RLBP1: variants seen among roughly 807,000 people sequenced by gnomAD.
The protein encoded by RLBP1 is retinaldehyde binding protein 1.
Under a neutral mutation model 36.2 loss-of-function variants are expected in RLBP1, and 26 were observed. The observed-to-expected ratio is 0.72, with a 90% CI of 0.53 to 1.00. RLBP1 has a LOEUF of 1.00. RLBP1 is among the 50% of genes least tolerant of loss of function. The pLI is 0.00. For missense variants in RLBP1, 410 were observed against 402.4 expected, an observed-to-expected ratio of 1.02 and a Z score of -0.16; for synonymous variants, 155 against 156.2, an observed-to-expected ratio of 0.99 and a Z score of 0.06.
In RLBP1 at chr15:89,217,676, C is replaced by T. The variant is rs571278233; in HGVS notation, c.142-352G>A. ...ATGGTAGGTGTTCTTATCCCCAGCT[C>T]TCAGATGAGCAGACTGAGGCTCATA... On this transcript the variant is annotated intron_variant, in intron 4 of 8. Coordinates refer to ENST00000268125, the MANE Select transcript of RLBP1 (RefSeq NM_000326.5). Among the ~76,000 whole-genome samples, 22 of 152,340 alleles carry T rather than the reference C, an allele frequency of 1.4e-4. No individual in the cohort carries two copies. In the East Asian group the frequency reaches 4.2e-3, roughly 29 times the overall value.
At chr15:89,215,320 G>A in intron 5 of RLBP1, 82 bp from the exon 6 acceptor site, 1 of 1,440,240 alleles carries the variant, frequency 6.9e-7, no homozygotes, top group East Asian at 2.3e-5. Flanking sequence ...TCAGAGACCT[G>A]ACCTCCTGCC....
chr15:89,220,932 A>G lies in RLBP1; in HGVS notation c.-224+603T>C, dbSNP rs1407857217. ...CACAATGAAAAAATGCCTATCCCTC[A>G]CACCATGCTGATGCTGTTCCCTGCC... On this transcript the variant is annotated intron_variant, in intron 1 of 8. Transcript: ENST00000268125. 2.0e-5 allele frequency among the ~76,000 whole-genome samples: 3 copies of G among 151,792 alleles called. No individual in the cohort carries two copies. The South Asian group carries it at 6.2e-4, about 32-fold the overall frequency.
Position 89,218,806 on chromosome 15 carries a change from C to A in RLBP1, c.13-113G>T. The A allele has an allele frequency of 6.4e-7, 1 of 1,568,882 alleles. No homozygotes were observed. The highest frequency in any genetic ancestry group is 8.7e-7 in the Non-Finnish European group (1 of 1,149,032). On this transcript the variant is annotated intron_variant, in intron 3 of 8. Transcript: ENST00000268125. The surrounding 1 kb of genome is among the most constrained non-coding windows in gnomAD (Gnocchi z 4.6). ...TTGCCCAAGGTCATTGTTAAGCCTC[C>A]TCCTTTTGTGGGGTCAGGACCCACA...
At chr15:89,220,902 C>G (rs866592319) in intron 1 of RLBP1, among the ~76,000 whole-genome samples, 15 of 152,176 alleles carry the variant, frequency 9.9e-5, no homozygotes, top group Middle Eastern at 3.5e-3. Context: ...GATTTACAAG[C>G]TGTACACAAT....
chr15:89,218,439 G>C lies in RLBP1; in HGVS notation c.141+126C>G. 1 of 1,415,528 alleles carries C rather than the reference G, an allele frequency of 7.1e-7. No individual in the cohort carries two copies. The highest frequency in any genetic ancestry group is 1.7e-5 in the Admixed American group (1 of 58,748). The allele number at this position is 1,415,528 out of a possible 1,614,324, so 87.7% of individuals were successfully genotyped here. The stretch of plus-strand genomic sequence containing the variant: ...CCAGGAAGGACCTTAGAACCGGCCA[G>C]TCTATCAGGTCCAGGATGATCTGGA... On this transcript the variant is annotated intron_variant, in intron 4 of 8. Transcript: ENST00000268125. The surrounding 1 kb of genome is among the most constrained non-coding windows in gnomAD (Gnocchi z 4.6).
Position 89,214,456 on chromosome 15 carries a change from C to A in RLBP1, c.525+604G>T, listed in dbSNP as rs889063247. Among the ~76,000 whole-genome samples, 5 of 151,890 alleles carry A rather than the reference C, an allele frequency of 3.3e-5. No homozygotes were observed. Among genetic ancestry groups the A allele is most frequent in the African/African-American group, 1.2e-4 (5 of 41,356 alleles). ...AGCCTGGGTGACCAGAGCGAGACTC[C>A]ATCTCAAAAATAAATAAATAAAATA... On this transcript the variant is annotated intron_variant, in intron 6 of 8. Coordinates refer to ENST00000268125, the MANE Select transcript of RLBP1 (RefSeq NM_000326.5). This position sits in a 1 kb window ranked among gnomAD's most constrained non-coding sequence, Gnocchi z 4.6.
At chr15:89,215,702 C>T (rs1349299545) in intron 5 of RLBP1, among the ~76,000 whole-genome samples, 1 of 152,148 alleles carries the variant, frequency 6.6e-6, no homozygotes, top group African/African-American at 2.4e-5. Context: ...CCAGCAGCAC[C>T]TCTACGGTCC....
At chr15:89,217,379 G>T in intron 4 of RLBP1, 55 bp from the exon 5 acceptor site, 1 of 1,551,058 alleles carries the variant, frequency 6.4e-7, no homozygotes. Flanking sequence ...TGAGGGGCAG[G>T]ACACACAGGT....
intron 5 of RLBP1, among the ~76,000 whole-genome samples, 179 bp from the exon 6 acceptor site, chr15:89,215,417 T>C (rs890012116): frequency 1.3e-5 from 2 of 152,192 alleles, no homozygotes; most frequent in Admixed American, 6.5e-5. Context: ...TATTGACCTA[T>C]CTATTCTAGA....
Position 89,210,692 on chromosome 15 carries a change from T to C in RLBP1, c.795+7A>G, listed in dbSNP as rs1357943846. ...TGTCTCATTGTCTGGGCGGCCCACG[T>C]ACTCACCCTCTCAAGCAGCTTGCTC... On this transcript the variant is annotated splice_region_variant and intron_variant, in intron 8 of 8. Transcript: ENST00000268125. This position sits in a 1 kb window ranked among gnomAD's most constrained non-coding sequence, Gnocchi z 4.7. The C allele has an allele frequency of 1.3e-6, 2 of 1,578,820 alleles. No individual in the cohort carries two copies. The highest frequency in any genetic ancestry group is 1.8e-5 in the Admixed American group (1 of 56,440).
chr15:89,211,893 C>T lies in RLBP1; in HGVS notation c.534G>A (p.Gln178=). The T allele has an allele frequency of 1.9e-6, 3 of 1,614,184 alleles. No individual in the cohort carries two copies. Among genetic ancestry groups the T allele is most frequent in the Non-Finnish European group, 1.7e-6 (2 of 1,180,038 alleles). ...GCTTCTCCAGGATGAAGCAATATGCCTGCAAGATCTTGGGCACAGAGAGAA... is the reference window on the plus strand; with the variant it reads ...GCTTCTCCAGGATGAAGCAATATGCTTGCAAGATCTTGGGCACAGAGAGAA... ...SQEITFDEIL[Q]AYCFILEKLL... The change falls in exon 7 of 9, where the codon CAG becomes CAA. Residue 178 remains glutamine, a synonymous_variant. Coordinates refer to ENST00000268125, the MANE Select transcript of RLBP1 (RefSeq NM_000326.5). This position sits in a 1 kb window ranked among gnomAD's most constrained non-coding sequence, Gnocchi z 5.8.
In RLBP1 at chr15:89,218,789, G is replaced by A; in HGVS notation, c.13-96C>T. 2.5e-6 allele frequency: 4 copies of A among 1,592,146 alleles called. No homozygotes were observed. Among genetic ancestry groups the A allele is most frequent in the South Asian group, 1.1e-5 (1 of 89,902 alleles). ...TCAGACCTTCAGTTCTTTTGCCCAA[G>A]GTCATTGTTAAGCCTCCTCCTTTTG... On this transcript the variant is annotated intron_variant, in intron 3 of 8. Transcript: ENST00000268125. The surrounding 1 kb of genome is among the most constrained non-coding windows in gnomAD (Gnocchi z 4.6).
At position 89,210,378 on chromosome 15, in the gene RLBP1, A is replaced by G; in HGVS notation, c.861T>C (p.Ser287=). 1 of 1,614,192 alleles carries G rather than the reference A, an allele frequency of 6.2e-7. No homozygotes were observed. Among genetic ancestry groups the G allele is most frequent in the Non-Finnish European group, 8.5e-7 (1 of 1,180,002 alleles). Residue 287 remains serine, a synonymous_variant, in exon 9 of 9, where the codon TCT becomes TCC. Coordinates refer to ENST00000268125, the MANE Select transcript of RLBP1 (RefSeq NM_000326.5). This position sits in a 1 kb window ranked among gnomAD's most constrained non-coding sequence, Gnocchi z 4.7. ...YQEIDENILP[S]DFGGTLPKYD... ...ACTTGGGCAGCGTGCCCCCGAAGTC[A>G]GAGGGCAGGATGTTCTCATCGATCT...
chr15:89,211,059 T>C lies in RLBP1; in HGVS notation c.685-250A>G, dbSNP rs2051533986. 6.6e-6 allele frequency among the ~76,000 whole-genome samples: 1 copy of C among 152,154 alleles called. No homozygotes were observed. Among genetic ancestry groups the C allele is most frequent in the South Asian group, 2.1e-4 (1 of 4,832 alleles). On this transcript the variant is annotated intron_variant, in intron 7 of 8. Transcript: ENST00000268125. This position sits in a 1 kb window ranked among gnomAD's most constrained non-coding sequence, Gnocchi z 5.8. ...CCAACCCTCTCCCTGCTGATGCAAA[T>C]TAAACTGGGAATTAGGAAAAGAAAT...
intron 1 of RLBP1, among the ~76,000 whole-genome samples, chr15:89,220,227 C>A (rs1465904201): frequency 1.3e-5 from 2 of 152,150 alleles, no homozygotes; most frequent in African/African-American, 4.8e-5. Context: ...TCATAGAAAC[C>A]TTAAAGGTTA....
At position 89,218,890 on chromosome 15, in the gene RLBP1, G is replaced by A. The variant is rs932216759; in HGVS notation, c.12+74C>T. On this transcript the variant is annotated intron_variant, in intron 3 of 8. Coordinates refer to ENST00000268125, the MANE Select transcript of RLBP1 (RefSeq NM_000326.5). This position sits in a 1 kb window ranked among gnomAD's most constrained non-coding sequence, Gnocchi z 4.6. ...GGCAGAGCATAAGATAGAGAAGTAAGGAGGGAGGGAGAGGGAAGAGAGAGA... is the reference window on the plus strand; with the variant it reads ...GGCAGAGCATAAGATAGAGAAGTAAAGAGGGAGGGAGAGGGAAGAGAGAGA... 51 of 1,560,086 alleles carry A rather than the reference G, an allele frequency of 3.3e-5. No homozygotes were observed. The highest frequency in any genetic ancestry group is 4.4e-5 in the Non-Finnish European group (50 of 1,134,492).
rs2051602959 is a variant in RLBP1 at position 89,218,697 on chromosome 15, G to A, written c.13-4C>T. The A allele has an allele frequency of 1.2e-6, 2 of 1,614,000 alleles. No individual in the cohort carries two copies. The highest frequency in any genetic ancestry group is 1.7e-6 in the Non-Finnish European group (2 of 1,180,036). ...GTACCATGCGGAACGTGCCCACCTG[G>A]GCAGAGAAAGGAAAAAGAGGAACAG... On this transcript the variant is annotated splice_region_variant and splice_polypyrimidine_tract_variant and intron_variant, in intron 3 of 8. Coordinates refer to ENST00000268125, the MANE Select transcript of RLBP1 (RefSeq NM_000326.5). This position sits in a 1 kb window ranked among gnomAD's most constrained non-coding sequence, Gnocchi z 4.6.
rs867569502 is a variant in RLBP1, at chr15:89,218,657, C to T, written c.49G>A (p.Glu17Lys). ...TFRMVPEEEQ[E>K]LRAQLEQLTT... is the part of the protein sequence containing the mutation. ...AGCTGCTCCAGTTGGGCACGGAGCTCCTGTTCCTCTTCAGGTACCATGCGG... is the reference window on the plus strand; with the variant it reads ...AGCTGCTCCAGTTGGGCACGGAGCTTCTGTTCCTCTTCAGGTACCATGCGG... The change falls in exon 4 of 9, where the codon GAG (glutamate) becomes AAG (lysine). Residue 17 changes from glutamate to lysine, a missense_variant. Coordinates refer to ENST00000268125, the MANE Select transcript of RLBP1 (RefSeq NM_000326.5). This position sits in a 1 kb window ranked among gnomAD's most constrained non-coding sequence, Gnocchi z 4.6. The T allele has an allele frequency of 9.3e-6, 15 of 1,614,106 alleles. No individual in the cohort carries two copies. The Admixed American group carries it at 1.0e-4, about 11-fold the overall frequency.
intron 6 of RLBP1, among the ~76,000 whole-genome samples, chr15:89,213,263 G>A (rs1267517195): frequency 4.7e-5 from 7 of 148,520 alleles, no homozygotes; most frequent in Non-Finnish European, 1.0e-4. Flanking sequence ...ACTAACCAAT[G>A]CAATCAATTT....
Sources: allele counts gnomAD v4.1 joint callset (sites outside exome capture counted in the v4.1 genomes callset), GRCh38; gene constraint gnomAD v4.1.1; non-coding constraint Gnocchi (gnomAD v3.1); transcripts MANE v1.5; gene names NCBI Gene and HGNC (gene_info 2026-07-23, HGNC 2026-07-21).